The following HECW1 variants were observed in gnomAD, a reference collection of about 807,000 sequenced individuals.
HECW1 encodes HECT, C2 and WW domain containing E3 ubiquitin protein ligase 1, also known as E3 ubiquitin-protein ligase HECW1.
HECW1 carries 61 observed loss-of-function variants against 182.3 expected under a neutral mutation model. The observed-to-expected ratio is 0.33, with a 90% CI of 0.27 to 0.41. The LOEUF (loss-of-function observed/expected upper bound fraction) is 0.41, where lower values mean the gene tolerates loss of function less well. Among genes scored for constraint, HECW1 ranks in the 10% least tolerant of loss-of-function variants. HECW1 has a pLI of 1.00. For missense variants in HECW1, 1,739 were observed against 2,108.9 expected (o/e 0.82, Z 3.44); for synonymous variants, 859 against 832.6 (o/e 1.03, Z -0.55).
At chr7:43,499,417 T>C (rs182612824) in intron 19 of HECW1, among the ~76,000 whole-genome samples, 1 of 151,382 alleles carries the variant, frequency 6.6e-6, no homozygotes, top group Non-Finnish European at 1.5e-5. Context: ...TGCAGTGAGC[T>C]GAGATTTTAC....
At chr7:43,509,442 A>G (rs11767004) in intron 24 of HECW1, 114,301 of 198,744 alleles carry the variant, frequency 0.58, 33,808 homozygotes, top group Middle Eastern at 0.75. Flanking sequence ...TCCCAGTGGA[A>G]GCTTCTTGGA....
chr7:43,562,969 A>C lies in HECW1; in HGVS notation c.*1043A>C. On this transcript the variant is annotated 3_prime_UTR_variant, in exon 30 of 30. Transcript: ENST00000395891. ...CATGACTTTTGTTTGCTTGGCAGAC[A>C]AACCCTTTTTTTAAAACTTTGATAT... 1 of 210,218 alleles carries C rather than the reference A, an allele frequency of 4.8e-6. No homozygotes were observed. The highest frequency in any genetic ancestry group is 2.3e-5 in the African/African-American group (1 of 44,142). The allele number at this position is 210,218 out of a possible 1,614,324, so 13.0% of individuals were successfully genotyped here. A position where few individuals can be genotyped will look rare whatever the true frequency, so the allele number is the denominator to read the frequency against.
intron 8 of HECW1, among the ~76,000 whole-genome samples, chr7:43,408,273 G>C (rs945767950): frequency 3.3e-5 from 5 of 152,066 alleles, no homozygotes; most frequent in African/African-American, 1.2e-4. Flanking sequence ...ATTTGCAAAG[G>C]GCTGGGCAGC....
chr7:43,416,678 G>A (rs1307440278), intron 8 of HECW1, among the ~76,000 whole-genome samples: 5 of 146,308 alleles, frequency 3.4e-5, no homozygotes, highest in African/African-American at 1.0e-4. Flanking sequence ...AGCAATCAGC[G>A]AGATTCCGTG....
At chr7:43,306,619 G>A (rs1169042265) in intron 3 of HECW1, among the ~76,000 whole-genome samples, 1 of 151,928 alleles carries the variant, frequency 6.6e-6, no homozygotes, top group Admixed American at 6.6e-5. Context: ...TGGTGTAGAG[G>A]CCATTTTTAA....
chr7:43,187,009 T>A (rs1793472680), intron 2 of HECW1, among the ~76,000 whole-genome samples: 1 of 152,130 alleles, frequency 6.6e-6, no homozygotes, highest in Non-Finnish European at 1.5e-5. Context: ...GTGTCTAGAG[T>A]GGCTTATCTG....
At chr7:43,466,603 C>A (rs778770060) in intron 15 of HECW1, 35 bp downstream of exon 15, 15 of 1,601,870 alleles carry the variant, frequency 9.4e-6, no homozygotes, top group Non-Finnish European at 1.3e-5. Flanking sequence ...GGCGGCCTGG[C>A]TCGGCAAGAC....
chr7:43,186,198 A>G (rs1793380186), intron 2 of HECW1, among the ~76,000 whole-genome samples: 1 of 152,210 alleles, frequency 6.6e-6, no homozygotes, highest in African/African-American at 2.4e-5. Context: ...TCTAACCCCT[A>G]CATGATTTAT....
intron 8 of HECW1, among the ~76,000 whole-genome samples, chr7:43,416,845 C>T (rs2076021280): frequency 2.1e-5 from 1 of 46,930 alleles, no homozygotes; most frequent in Non-Finnish European, 3.7e-5. Context: ...TCCCTGGCCC[C>T]TTGCGCTTCC....
intron 2 of HECW1, among the ~76,000 whole-genome samples, chr7:43,148,302 T>C (rs889359411): frequency 6.6e-6 from 1 of 152,076 alleles, no homozygotes; most frequent in Non-Finnish European, 1.5e-5. Flanking sequence ...TCTTTGGATG[T>C]GAGTCACCAC....
intron 24 of HECW1, among the ~76,000 whole-genome samples, chr7:43,526,529 T>C (rs916176153): frequency 3.3e-5 from 5 of 152,210 alleles, no homozygotes; most frequent in African/African-American, 1.2e-4. Flanking sequence ...ATGGAAATAT[T>C]GTGCATTGGT....
At chr7:43,293,983 A>G (rs1258357887) in intron 3 of HECW1, among the ~76,000 whole-genome samples, 1 of 152,198 alleles carries the variant, frequency 6.6e-6, no homozygotes, top group African/African-American at 2.4e-5. Flanking sequence ...TTATGAGAAC[A>G]TAAGTAATGC....
Position 43,112,836 on chromosome 7 carries a change from C to T in HECW1, c.-368C>T, listed in dbSNP as rs1488323720. ...CGGTCGCCAGGGTCCCCTCCCCAGC[C>T]AGTCCCAGGCGCCCGGTGCACTATG... is the stretch of plus-strand genomic sequence containing the variant. On this transcript the variant is annotated 5_prime_UTR_variant, in exon 1 of 30. Coordinates refer to ENST00000395891, the MANE Select transcript of HECW1 (RefSeq NM_015052.5). 1 of 227,818 alleles carries T rather than the reference C, an allele frequency of 4.4e-6. No homozygotes were observed. The highest frequency in any genetic ancestry group is 2.2e-5 in the African/African-American group (1 of 44,960). 14.1% of individuals were successfully genotyped at this position (227,818 alleles called of 1,614,324 possible).
chr7:43,246,764 C>T (rs571994942), intron 3 of HECW1, among the ~76,000 whole-genome samples: 2 of 152,284 alleles, frequency 1.3e-5, no homozygotes, highest in East Asian at 1.9e-4. Flanking sequence ...GTTAGGTCCC[C>T]TGAGAGGGCA....
rs200972152 is a variant in HECW1 at position 43,397,399 on chromosome 7, A to G, written c.631+510A>G. On this transcript the variant is annotated intron_variant, in intron 7 of 29. Coordinates refer to ENST00000395891, the MANE Select transcript of HECW1 (RefSeq NM_015052.5). ...ACGTTTTAGTTTTCATGAATGTACC[A>G]TGGTTCCATCTGTCATGCATGTCTG... 8.5e-5 allele frequency among the ~76,000 whole-genome samples: 13 copies of G among 152,342 alleles called. No individual in the cohort carries two copies. In the East Asian group the frequency reaches 2.5e-3, roughly 29 times the overall value.
chr7:43,414,626 T>G (rs2075924950), intron 8 of HECW1, among the ~76,000 whole-genome samples: 1 of 151,080 alleles, frequency 6.6e-6, no homozygotes, highest in South Asian at 2.1e-4. Context: ...TTGAAATATG[T>G]CCCATCAATA....
chr7:43,246,300 CT>C (rs796161016), intron 3 of HECW1, among the ~76,000 whole-genome samples: 2 of 152,228 alleles, frequency 1.3e-5, no homozygotes, highest in African/African-American at 4.8e-5. Context: ...AAGACCTTGT[CT>C]CTAAAAAAGA....
At chr7:43,154,545 C>G (rs1381169450) in intron 2 of HECW1, among the ~76,000 whole-genome samples, 2 of 152,142 alleles carry the variant, frequency 1.3e-5, no homozygotes, top group Non-Finnish European at 2.9e-5. Flanking sequence ...TTTTCACGAG[C>G]ATTTGTATTG....
chr7:43,376,376 G>A (rs2074324839), intron 6 of HECW1, among the ~76,000 whole-genome samples: 1 of 152,090 alleles, frequency 6.6e-6, no homozygotes, highest in South Asian at 2.1e-4. Flanking sequence ...AATAAGTATA[G>A]CAAGTCTCCC....
Sources: gnomAD v4.1 joint callset for allele counts (sites outside exome capture counted in the v4.1 genomes callset) on GRCh38, gnomAD v4.1.1 for gene constraint, MANE v1.5 for transcripts, NCBI Gene and HGNC (gene_info 2026-07-23, HGNC 2026-07-21) for gene names.